Variants in TJP2 observed in about 807,000 individuals in gnomAD.
TJP2 encodes the protein tight junction protein 2.
In TJP2, 91 loss-of-function variants were observed where a neutral mutation model predicts 133.1. The ratio of observed to expected loss-of-function variants is 0.68; its 90% CI spans 0.58 to 0.81. The LOEUF (loss-of-function observed/expected upper bound fraction) is 0.81. TJP2 is among the 40% of genes least tolerant of loss of function. The pLI, the probability that TJP2 is intolerant of heterozygous loss-of-function variation, is 0.00. For synonymous variants in TJP2, 592 were observed against 583.4 expected, an observed-to-expected ratio of 1.01 and a Z score of -0.21; for missense variants, 1,541 against 1,565.6, an observed-to-expected ratio of 0.98 and a Z score of 0.26.
At chr9:69,206,363 C>T (rs1474234798) in intron 1 of TJP2, among the ~76,000 whole-genome samples, 1 of 152,132 alleles carries the variant, frequency 6.6e-6, no homozygotes, top group Non-Finnish European at 1.5e-5. Flanking sequence ...CCCTCTTTGC[C>T]CCTTTCAAAT....
At chr9:69,190,971 GGAAGCA>G (rs373713150) in intron 1 of TJP2, among the ~76,000 whole-genome samples, 66 of 152,316 alleles carry the variant, frequency 4.3e-4, no homozygotes, top group African/African-American at 1.6e-3. Flanking sequence ...CAGACCTCCT[GGAAGCA>G]GGGTGTTGGC....
intron 1 of TJP2, among the ~76,000 whole-genome samples, chr9:69,210,299 C>CCCCCCCCA (rs377382335): frequency 7.0e-5 from 2 of 28,642 alleles, no homozygotes; most frequent in African/African-American, 1.3e-4. Flanking sequence ...CCCCCCCCCC[C>CCCCCCCCA]AAAAAAAAAA....
At chr9:69,235,665 C>T (rs7875359) in intron 12 of TJP2, among the ~76,000 whole-genome samples, 9,540 of 152,180 alleles carry the variant, frequency 0.063, 316 homozygotes, top group African/African-American at 0.069. Flanking sequence ...TCATTCTCTT[C>T]AGGCCCTCAA....
intron 1 of TJP2, among the ~76,000 whole-genome samples, chr9:69,185,692 G>A (rs990517722): frequency 2.0e-5 from 3 of 152,084 alleles, no homozygotes; most frequent in Admixed American, 6.6e-5. Flanking sequence ...AAATCTGGCT[G>A]ATAGATGGGG....
intron 1 of TJP2, among the ~76,000 whole-genome samples, chr9:69,144,356 A>T (rs1044615821): frequency 1.3e-5 from 2 of 152,172 alleles, no homozygotes; most frequent in African/African-American, 4.8e-5. Flanking sequence ...GGGATGGGGA[A>T]GGGTTTGGGA....
At chr9:69,176,012 G>C (rs1424387407) in intron 1 of TJP2, among the ~76,000 whole-genome samples, 1 of 152,144 alleles carries the variant, frequency 6.6e-6, no homozygotes, top group East Asian at 1.9e-4. Flanking sequence ...TGCATTTAGG[G>C]GTCTAGTGGA....
chr9:69,143,824 C>T (rs1823105539), intron 1 of TJP2, among the ~76,000 whole-genome samples: 1 of 152,076 alleles, frequency 6.6e-6, no homozygotes, highest in African/African-American at 2.4e-5. Context: ...TTAAAGTCAC[C>T]AAACTGTAAT....
intron 2 of TJP2, among the ~76,000 whole-genome samples, chr9:69,167,880 AAAG>A (rs963441310): frequency 2.1e-4 from 31 of 150,284 alleles, no homozygotes; most frequent in South Asian, 6.3e-4. Flanking sequence ...AAAAAAAAAA[AAAG>A]AAGAAGAAGA....
At chr9:69,207,899 G>T (rs879651439) in intron 1 of TJP2, among the ~76,000 whole-genome samples, 1 of 152,168 alleles carries the variant, frequency 6.6e-6, no homozygotes, top group Non-Finnish European at 1.5e-5. Flanking sequence ...CTGTGTTTCT[G>T]AAAAATTATA....
At chr9:69,204,897 TC>T in intron 1 of TJP2, 1 of 1,263,392 alleles carries the variant, frequency 7.9e-7, no homozygotes, top group Non-Finnish European at 1.0e-6. Flanking sequence ...ATGCTCTAGT[TC>T]CCTGGCAAGG....
In TJP2 at chr9:69,216,384, A is replaced by G; in HGVS notation, c.160A>G (p.Asn54Asp). Reference sequence around the variant, plus strand: ...AATTGCAGTGTCCGGAGGCAGAGACAACCCCCACTTTGAAAATGGAGAAAC... The same window carrying G: ...AATTGCAGTGTCCGGAGGCAGAGACGACCCCCACTTTGAAAATGGAGAAAC... Reference protein sequence around the residue: ...FGIAVSGGRDNPHFENGETSI... With the variant: ...FGIAVSGGRDDPHFENGETSI... The change falls in exon 3 of 23, where the codon AAC becomes GAC. Residue 54 changes from asparagine (N) to aspartate (D), a missense_variant. Asn to Asp is a conservative substitution (Grantham distance 23). Transcript: ENST00000377245. 1.2e-6 allele frequency: 2 copies of G among 1,614,168 alleles called. No individual in the cohort carries two copies. Among genetic ancestry groups the G allele is most frequent in the Non-Finnish European group, 8.5e-7 (1 of 1,180,020 alleles).
rs1029533580 is a variant in TJP2 at position 69,210,292 on chromosome 9, C to G, written c.61-2256C>G. On this transcript the variant is annotated intron_variant, in intron 1 of 22. Coordinates refer to ENST00000377245, the MANE Select transcript of TJP2 (RefSeq NM_004817.4). The stretch of plus-strand genomic sequence containing the variant: ...TGACAGAGTGAGACCCCGTCCCCCC[C>G]CCCCCCCAAAAAAAAAAAAAGTAGC... 1.3e-4 allele frequency among the ~76,000 whole-genome samples: 6 copies of G among 45,040 alleles called. 1 individual carries two copies. Among genetic ancestry groups the G allele is most frequent in the East Asian group, 2.4e-3 (2 of 840 alleles). 29.5% of individuals were successfully genotyped at this position (45,040 alleles called of 152,430 possible).
At chr9:69,223,301 GTTT>G (rs1259920377) in intron 5 of TJP2, among the ~76,000 whole-genome samples, 1 of 151,140 alleles carries the variant, frequency 6.6e-6, no homozygotes, top group African/African-American at 2.4e-5. Flanking sequence ...GTTTTGTTTT[GTTT>G]TGTTTTGTTT....
Position 69,237,986 on chromosome 9 carries a change from G to A in TJP2, c.2275+13G>A, listed in dbSNP as rs1830313749. On this transcript the variant is annotated intron_variant, in intron 15 of 22. Transcript: ENST00000377245. ...TTTCAAACTGCTAGTAAGTCTGTCA[G>A]TGTTTTTTTTTCCCCCAAATTTTTA... 6.2e-7 allele frequency: 1 copy of A among 1,600,052 alleles called. No homozygotes were observed.
chr9:69,214,330 C>T (rs930125602), intron 2 of TJP2, among the ~76,000 whole-genome samples: 1 of 152,158 alleles, frequency 6.6e-6, no homozygotes, highest in African/African-American at 2.4e-5. Flanking sequence ...AAGCAATTCA[C>T]CCGCCTTGGC....
intron 20 of TJP2, among the ~76,000 whole-genome samples, chr9:69,250,628 C>T (rs890810884): frequency 3.9e-5 from 6 of 152,206 alleles, no homozygotes; most frequent in Non-Finnish European, 8.8e-5. Context: ...GGACATGGGT[C>T]TCACCTGGGC....
chr9:69,252,842 AT>A lies in TJP2; in HGVS notation c.3350del (p.Ile1117ThrfsTer91), dbSNP rs1429720701. The A allele has an allele frequency of 2.5e-6, 4 of 1,614,164 alleles. No individual in the cohort carries two copies. In the East Asian group the frequency reaches 8.9e-5, roughly 36 times the overall value. ...CGAAATTGCCCAGAAGCATCCTGAT[AT>A]CTATGCAGTTCCAATCAAAACGCAC... Reference protein sequence around the residue: ...RIEIAQKHPDIYAVPIKTHKP... With the variant: ...RIEIAQKHPDXYAVPIKTHKP... On this transcript the variant is annotated frameshift_variant, in exon 22 of 23. Coordinates refer to ENST00000377245, the MANE Select transcript of TJP2 (RefSeq NM_004817.4). LOFTEE classifies it high-confidence loss of function.
intron 1 of TJP2, among the ~76,000 whole-genome samples, chr9:69,134,951 AGAGAGAGAGAGAGAAGAGAGAAGAG>A (rs369151701): frequency 8.8e-5 from 13 of 148,560 alleles, no homozygotes; most frequent in African/African-American, 9.9e-5. Flanking sequence ...AGAAGAGGAG[AGAGAGAGAGAGAGAAGAGAGAAGAG>A]GAGAGAGAGA....
intron 12 of TJP2, among the ~76,000 whole-genome samples, chr9:69,235,817 C>A (rs539256647): frequency 6.6e-6 from 1 of 152,222 alleles, no homozygotes; most frequent in African/African-American, 2.4e-5. Context: ...ATTTCATGGC[C>A]CAGTCAAGTT....
Sources: gnomAD v4.1 joint callset for allele counts (sites outside exome capture counted in the v4.1 genomes callset) on GRCh38, gnomAD v4.1.1 for gene constraint, MANE v1.5 for transcripts, NCBI Gene and HGNC (gene_info 2026-07-23, HGNC 2026-07-21) for gene names.